The following TMEM117 variants were observed in gnomAD, a reference collection of about 807,000 sequenced individuals.
The protein encoded by TMEM117 is transmembrane protein 117.
A neutral mutation model predicts 52.4 loss-of-function variants in TMEM117; 27 were observed. The observed-to-expected ratio is 0.51, with a 90% CI of 0.38 to 0.71. The LOEUF is 0.71. Ranked by LOEUF, TMEM117 falls within the 30% of genes least tolerant of loss-of-function variation. The pLI, the probability that TMEM117 is intolerant of heterozygous loss-of-function variation, is 0.00. For synonymous variants in TMEM117, 215 were observed against 206.3 expected, an observed-to-expected ratio of 1.04 and a Z score of -0.36; for missense variants, 556 against 630.5, an observed-to-expected ratio of 0.88 and a Z score of 1.26.
chr12:44,074,036 G>C (rs1947343311), intron 3 of TMEM117, among the ~76,000 whole-genome samples: 1 of 152,130 alleles, frequency 6.6e-6, no homozygotes, highest in Admixed American at 6.5e-5. Context: ...GCCTAACAGA[G>C]GGGTTAACAC....
chr12:44,313,519 T>C (rs1951017140), intron 6 of TMEM117, among the ~76,000 whole-genome samples: 2 of 152,212 alleles, frequency 1.3e-5, no homozygotes, highest in Admixed American at 1.3e-4. Flanking sequence ...AGCCATGTAG[T>C]GTAGTTTGAA....
chr12:44,362,553 A>G (rs1299810281), intron 6 of TMEM117, among the ~76,000 whole-genome samples: 1 of 152,042 alleles, frequency 6.6e-6, no homozygotes, highest in African/African-American at 2.4e-5. Flanking sequence ...ATAAAAGGTG[A>G]TGGCACAAAT....
intron 7 of TMEM117, among the ~76,000 whole-genome samples, chr12:44,384,594 A>C (rs1952063429): frequency 6.6e-6 from 1 of 152,202 alleles, no homozygotes; most frequent in South Asian, 2.1e-4. Context: ...CTGATTTAGA[A>C]AGCATATTTA....
At chr12:44,364,046 A>T (rs1951758135) in intron 6 of TMEM117, among the ~76,000 whole-genome samples, 1 of 152,174 alleles carries the variant, frequency 6.6e-6, no homozygotes, top group South Asian at 2.1e-4. Context: ...ATCTGGGTTT[A>T]TATGGGGAAA....
intron 3 of TMEM117, among the ~76,000 whole-genome samples, chr12:44,105,663 T>G (rs1252521571): frequency 6.6e-6 from 1 of 151,920 alleles, no homozygotes; most frequent in Non-Finnish European, 1.5e-5. Flanking sequence ...ACTTGAAAAG[T>G]GCTTTTTAGT....
At chr12:44,047,509 C>G (rs1319067756) in intron 3 of TMEM117, among the ~76,000 whole-genome samples, 1 of 152,124 alleles carries the variant, frequency 6.6e-6, no homozygotes, top group East Asian at 1.9e-4. Flanking sequence ...CATCCATATT[C>G]AAGACAAAGA....
chr12:44,137,666 AAGAG>A (rs1948511316), intron 3 of TMEM117, among the ~76,000 whole-genome samples: 1 of 152,114 alleles, frequency 6.6e-6, no homozygotes, highest in Non-Finnish European at 1.5e-5. Context: ...GCGGCCAGCA[AAGAG>A]AGAGTTTGTG....
chr12:43,990,953 T>G (rs1592420531), intron 3 of TMEM117, among the ~76,000 whole-genome samples: 1 of 152,204 alleles, frequency 6.6e-6, no homozygotes, highest in African/African-American at 2.4e-5. Flanking sequence ...TAAAGTGGAC[T>G]TAAGAATTTA....
At chr12:43,912,507 T>TATATATATATATA (rs1944525970) in intron 2 of TMEM117, among the ~76,000 whole-genome samples, 1 of 132,086 alleles carries the variant, frequency 7.6e-6, no homozygotes, top group African/African-American at 4.0e-5. Flanking sequence ...TAATAATAAT[T>TATATATATATATA]TATATATATA....
At chr12:44,130,134 T>C (rs1948390238) in intron 3 of TMEM117, among the ~76,000 whole-genome samples, 1 of 152,240 alleles carries the variant, frequency 6.6e-6, no homozygotes, top group Non-Finnish European at 1.5e-5. Flanking sequence ...GAAACTTTGT[T>C]ATACTAATTG....
chr12:43,926,340 T>C (rs769514568), intron 2 of TMEM117, among the ~76,000 whole-genome samples: 3 of 152,160 alleles, frequency 2.0e-5, no homozygotes, highest in Non-Finnish European at 2.9e-5. Flanking sequence ...ACTCTTCTCC[T>C]CTCTTCCAAT....
At chr12:44,008,360 GATAC>G (rs1189593141) in intron 3 of TMEM117, among the ~76,000 whole-genome samples, 1 of 152,128 alleles carries the variant, frequency 6.6e-6, no homozygotes. Flanking sequence ...CGAATAACCA[GATAC>G]ATACATATAG....
At chr12:44,331,095 G>C (rs886502873) in intron 6 of TMEM117, among the ~76,000 whole-genome samples, 4 of 151,744 alleles carry the variant, frequency 2.6e-5, no homozygotes, top group Non-Finnish European at 4.4e-5. Flanking sequence ...GTCAATTTCT[G>C]TGTGGAGGTG....
chr12:43,945,283 T>C (rs574729776), intron 3 of TMEM117, among the ~76,000 whole-genome samples: 1 of 152,148 alleles, frequency 6.6e-6, no homozygotes, highest in Non-Finnish European at 1.5e-5. Context: ...AACACAAGGA[T>C]TGGTCTTTCA....
chr12:44,318,666 G>A (rs1368295361), intron 6 of TMEM117, among the ~76,000 whole-genome samples: 1 of 152,132 alleles, frequency 6.6e-6, no homozygotes, highest in Non-Finnish European at 1.5e-5. Context: ...GCCAGGGTAT[G>A]GAGCAGAGAG....
At chr12:44,230,963 A>G (rs1428291101) in intron 5 of TMEM117, among the ~76,000 whole-genome samples, 2 of 152,008 alleles carry the variant, frequency 1.3e-5, no homozygotes, top group Non-Finnish European at 2.9e-5. Flanking sequence ...ACACATACAC[A>G]CATGTGTTAA....
chr12:44,143,874 C>G (rs1052976996), intron 4 of TMEM117, among the ~76,000 whole-genome samples: 1 of 152,176 alleles, frequency 6.6e-6, no homozygotes, highest in African/African-American at 2.4e-5. Flanking sequence ...TATCTATCAT[C>G]TACCTATCTA....
At chr12:43,808,812 GAAAA>G in the TMEM117 span, among the ~76,000 whole-genome samples, 116 of 80,778 alleles carry the variant, frequency 1.4e-3, no homozygotes, top group African/African-American at 3.9e-3. Flanking sequence ...TCAAAGGGGA[GAAAA>G]AAAAAAAAAA....
rs147697397 is a variant in TMEM117, at chr12:44,278,555, C to T, written c.609-21025C>T. 1.9e-3 allele frequency among the ~76,000 whole-genome samples: 288 copies of T among 152,248 alleles called. 1 individual carries two copies. The highest frequency in any genetic ancestry group is 2.5e-3 in the Non-Finnish European group (173 of 68,020). ...TGCAGCAGTCTACTTTCTGCTGTTC[C>T]TCAATGTGAGCTCTCTCTTCCCTCC... is the stretch of plus-strand genomic sequence containing the variant. On this transcript the variant is annotated intron_variant, in intron 5 of 7. Transcript: ENST00000266534.
Sources: gnomAD v4.1 joint callset for allele counts (sites outside exome capture counted in the v4.1 genomes callset) on GRCh38, gnomAD v4.1.1 for gene constraint, MANE v1.5 for transcripts, NCBI Gene and HGNC (gene_info 2026-07-23, HGNC 2026-07-21) for gene names.